Variants in KIF26B observed in about 807,000 individuals in gnomAD.
KIF26B encodes the protein kinesin-like protein KIF26B.
A neutral mutation model predicts 151.2 loss-of-function variants in KIF26B; 63 were observed. That is an observed-to-expected ratio of 0.42 (90% CI 0.34 to 0.51). The LOEUF (loss-of-function observed/expected upper bound fraction) is 0.51, where lower values mean the gene tolerates loss of function less well. Among genes scored for constraint, KIF26B ranks in the 20% least tolerant of loss-of-function variants. The pLI is 0.07. For missense variants in KIF26B, 2,813 were observed against 2,913.6 expected (o/e 0.97, Z 0.79); for synonymous variants, 1,357 against 1,262.1 (o/e 1.08, Z -1.59).
chr1:245,487,580 C>A (rs1660309294), intron 4 of KIF26B, among the ~76,000 whole-genome samples: 1 of 152,046 alleles, frequency 6.6e-6, no homozygotes, highest in South Asian at 2.1e-4. Flanking sequence ...AGTCTTGAGG[C>A]CTGAACTCTC....
chr1:245,286,659 T>C (rs1022978691), intron 2 of KIF26B, among the ~76,000 whole-genome samples: 5 of 152,236 alleles, frequency 3.3e-5, no homozygotes, highest in Non-Finnish European at 4.4e-5. Flanking sequence ...TGTTCTATTT[T>C]CAAGACATCT....
intron 3 of KIF26B, among the ~76,000 whole-genome samples, chr1:245,372,581 A>G (rs1263618857): frequency 6.6e-6 from 1 of 152,198 alleles, no homozygotes; most frequent in East Asian, 1.9e-4. Flanking sequence ...CATGTGTTAC[A>G]GCCTTCATTT....
chr1:245,692,350 G>GGT (rs965332261), intron 12 of KIF26B, among the ~76,000 whole-genome samples: 25 of 152,288 alleles, frequency 1.6e-4, no homozygotes, highest in African/African-American at 6.0e-4. Context: ...TGCTGAGTGG[G>GGT]GTAGTGAAGG....
Position 245,318,902 on chromosome 1 carries a change from C to A in KIF26B, c.466-47932C>A, listed in dbSNP as rs902263487. ...TTGATGAGGAAAAAAAAACAAAAAC[C>A]AAAATCTACTGCATTTTACTCCTAT... On this transcript the variant is annotated intron_variant, in intron 2 of 14. Coordinates refer to ENST00000407071, the MANE Select transcript of KIF26B (RefSeq NM_018012.4). This position sits in a 1 kb window ranked among gnomAD's most constrained non-coding sequence, Gnocchi z 4.0. Among the ~76,000 whole-genome samples the A allele has an allele frequency of 1.3e-5, 2 of 151,950 alleles. No homozygotes were observed.
chr1:245,654,444 C>G (rs966161190), intron 10 of KIF26B, among the ~76,000 whole-genome samples: 2 of 152,116 alleles, frequency 1.3e-5, no homozygotes, highest in Non-Finnish European at 2.9e-5. Context: ...GTCAGTGGGG[C>G]CTGACAGTCT....
At chr1:245,232,071 G>A (rs1173347407) in intron 2 of KIF26B, among the ~76,000 whole-genome samples, 1 of 152,200 alleles carries the variant, frequency 6.6e-6, no homozygotes, top group African/African-American at 2.4e-5. Flanking sequence ...CTTTGAAAGA[G>A]GGCTTCATGT....
intron 2 of KIF26B, among the ~76,000 whole-genome samples, chr1:245,320,414 A>C (rs1484823589): frequency 6.6e-6 from 1 of 152,252 alleles, no homozygotes; most frequent in Non-Finnish European, 1.5e-5. Context: ...TTCCCCTGTT[A>C]TTAGCATCTT....
chr1:245,255,610 G>A (rs933226926), intron 2 of KIF26B, among the ~76,000 whole-genome samples: 1 of 152,206 alleles, frequency 6.6e-6, no homozygotes, highest in African/African-American at 2.4e-5. Flanking sequence ...AGCTGACCCA[G>A]TGGCTTCGTG....
chr1:245,425,003 G>C (rs920471120), intron 4 of KIF26B, among the ~76,000 whole-genome samples: 1 of 150,946 alleles, frequency 6.6e-6, no homozygotes, highest in African/African-American at 2.4e-5. Context: ...CGAGACAACT[G>C]ATCGTCAAGT....
chr1:245,372,393 G>A (rs1025648997), intron 3 of KIF26B, among the ~76,000 whole-genome samples: 1 of 152,038 alleles, frequency 6.6e-6, no homozygotes, highest in Non-Finnish European at 1.5e-5. Context: ...CTGGTTTGGG[G>A]GTACACGTGC....
chr1:245,490,341 C>T (rs1172347055), intron 4 of KIF26B, among the ~76,000 whole-genome samples: 11 of 117,108 alleles, frequency 9.4e-5, no homozygotes, highest in African/African-American at 1.3e-4. Flanking sequence ...GAGACAGAGT[C>T]TTGCTCTGTC....
chr1:245,515,280 G>A (rs1225110828), intron 4 of KIF26B, among the ~76,000 whole-genome samples: 2 of 152,072 alleles, frequency 1.3e-5, no homozygotes, highest in Non-Finnish European at 2.9e-5. Context: ...CCCTGAGCCC[G>A]AGGGTCAGGG....
Position 245,459,039 on chromosome 1 carries a change from G to C in KIF26B, c.1166+39294G>C, listed in dbSNP as rs146224781. 4.6e-5 allele frequency among the ~76,000 whole-genome samples: 7 copies of C among 152,290 alleles called. No homozygotes were observed. The East Asian group carries it at 1.2e-3, about 25-fold the overall frequency. On this transcript the variant is annotated intron_variant, in intron 4 of 14. Coordinates refer to ENST00000407071, the MANE Select transcript of KIF26B (RefSeq NM_018012.4). ...GTAGATAGGAGCATGTCATGAGTCAGGCTTACCAAAGGACTTACTGCAGAC... is the reference window on the plus strand; with the variant it reads ...GTAGATAGGAGCATGTCATGAGTCACGCTTACCAAAGGACTTACTGCAGAC...
At position 245,654,695 on chromosome 1, in the gene KIF26B, G is replaced by A. The variant is rs557559531; in HGVS notation, c.2258+8415G>A. Among the ~76,000 whole-genome samples, 151 of 152,294 alleles carry A rather than the reference G, an allele frequency of 9.9e-4. 2 individuals are homozygous for A. The highest frequency in any genetic ancestry group is 1.2e-3 in the Non-Finnish European group (84 of 68,024). ...CTGGGGCAGCTCCTGCATAAGAAGGGTGACCGTTTCCCACAGTGGAGAACC... is the reference window on the plus strand; with the variant it reads ...CTGGGGCAGCTCCTGCATAAGAAGGATGACCGTTTCCCACAGTGGAGAACC... On this transcript the variant is annotated intron_variant, in intron 10 of 14. Transcript: ENST00000407071.
At chr1:245,525,211 A>T (rs948256555) in intron 4 of KIF26B, among the ~76,000 whole-genome samples, 1 of 152,210 alleles carries the variant, frequency 6.6e-6, no homozygotes, top group Non-Finnish European at 1.5e-5. Flanking sequence ...CTCTAAATGA[A>T]GATCTAAGCC....
intron 2 of KIF26B, among the ~76,000 whole-genome samples, chr1:245,265,150 G>A (rs1329301929): frequency 3.3e-5 from 5 of 150,098 alleles, no homozygotes; most frequent in Admixed American, 6.6e-5. Context: ...GGCAGTGAGT[G>A]GAGATCTTGC....
rs1043984648 is a variant in KIF26B, at chr1:245,645,840, C to T, written c.2099-281C>T. Among the ~76,000 whole-genome samples, 3 of 152,218 alleles carry T rather than the reference C, an allele frequency of 2.0e-5. 1 individual carries two copies. Among genetic ancestry groups the T allele is most frequent in the African/African-American group, 7.2e-5 (3 of 41,448 alleles). ...TTGACATTTATTTTCTCCAAAATCT[C>T]ATTCAGTTCAACCTGCAAGAATTAT... On this transcript the variant is annotated intron_variant, in intron 9 of 14. Transcript: ENST00000407071.
intron 3 of KIF26B, among the ~76,000 whole-genome samples, chr1:245,386,336 TA>T (rs3038167): frequency 8.1e-5 from 12 of 147,744 alleles, no homozygotes; most frequent in East Asian, 5.9e-4. Flanking sequence ...GTAATTGATC[TA>T]AAAAAAAAAA....
At chr1:245,313,081 C>G (rs1671694553) in intron 2 of KIF26B, among the ~76,000 whole-genome samples, 1 of 152,116 alleles carries the variant, frequency 6.6e-6, no homozygotes, top group Non-Finnish European at 1.5e-5. Context: ...ATCGCTTGAA[C>G]CTGGGAGGCA....
Sources: gnomAD v4.1 joint callset for allele counts (sites outside exome capture counted in the v4.1 genomes callset) on GRCh38, gnomAD v4.1.1 for gene constraint, Gnocchi (gnomAD v3.1) non-coding constraint, MANE v1.5 for transcripts, NCBI Gene and HGNC (gene_info 2026-07-23, HGNC 2026-07-21) for gene names.